Variants in REPS1 observed in about 807,000 individuals in gnomAD.
REPS1 encodes ralBP1-associated Eps domain-containing protein 1.
In REPS1, 39 loss-of-function variants were observed where a neutral mutation model predicts 100.9. The observed-to-expected ratio is 0.39, with a 90% CI of 0.30 to 0.50. The LOEUF (loss-of-function observed/expected upper bound fraction) is 0.50, where lower values mean the gene tolerates loss of function less well. REPS1 is among the 20% of genes least tolerant of loss of function. REPS1 has a pLI of 0.86. For synonymous variants in REPS1, 324 were observed against 340.3 expected, an observed-to-expected ratio of 0.95 and a Z score of 0.53; for missense variants, 821 against 968.5, an observed-to-expected ratio of 0.85 and a Z score of 2.02.
chr6:138,978,107 T>TA (rs397728141), intron 1 of REPS1, among the ~76,000 whole-genome samples: 22,332 of 151,612 alleles, frequency 0.15, 1,721 homozygotes, highest in African/African-American at 0.17. Context: ...TTTTTTTTTT[T>TA]CCTTATAAGT....
At chr6:138,964,525 CA>C (rs1385064744) in intron 1 of REPS1, among the ~76,000 whole-genome samples, 20 of 151,990 alleles carry the variant, frequency 1.3e-4, no homozygotes, top group Non-Finnish European at 2.9e-4. Flanking sequence ...GAACCACATG[CA>C]CACACAAAAT....
At chr6:138,926,075 C>T (rs186361770) in intron 10 of REPS1, among the ~76,000 whole-genome samples, 1 of 152,112 alleles carries the variant, frequency 6.6e-6, no homozygotes, top group East Asian at 1.9e-4. Context: ...CATAAAGAGT[C>T]ACTACACTGA....
intron 8 of REPS1, among the ~76,000 whole-genome samples, chr6:138,932,900 A>G (rs1562529995): frequency 6.6e-6 from 1 of 152,238 alleles, no homozygotes; most frequent in South Asian, 2.1e-4. Context: ...TGGAAAATGT[A>G]TATCCACGTC....
intron 17 of REPS1, among the ~76,000 whole-genome samples, chr6:138,909,602 G>T (rs1301517142): frequency 6.6e-6 from 1 of 152,126 alleles, no homozygotes; most frequent in East Asian, 1.9e-4. Flanking sequence ...GGCCTGGTGG[G>T]AGGTGACTGG....
chr6:138,973,450 G>GA (rs1784440189), intron 1 of REPS1, among the ~76,000 whole-genome samples: 1 of 151,674 alleles, frequency 6.6e-6, no homozygotes, highest in East Asian at 1.9e-4. Context: ...TGGATCCCAA[G>GA]AAAAAATACA....
chr6:138,913,202 T>C (rs1441727864), intron 15 of REPS1, among the ~76,000 whole-genome samples: 4 of 152,232 alleles, frequency 2.6e-5, no homozygotes, highest in Admixed American at 1.3e-4. Flanking sequence ...AAAAACTGTA[T>C]TGCAAAGAAA....
chr6:138,963,311 G>C (rs1215467168), intron 1 of REPS1, among the ~76,000 whole-genome samples: 1 of 152,032 alleles, frequency 6.6e-6, no homozygotes, highest in African/African-American at 2.4e-5. Flanking sequence ...CATGTATTAT[G>C]TTAACCACAC....
At chr6:138,984,546 A>G (rs1785147696) in intron 1 of REPS1, among the ~76,000 whole-genome samples, 1 of 151,846 alleles carries the variant, frequency 6.6e-6, no homozygotes, top group Non-Finnish European at 1.5e-5. Context: ...TGCCAGTAGA[A>G]CTGCTCTCTC....
At chr6:138,928,661 T>C (rs1781295924) in intron 9 of REPS1, 1 of 152,182 alleles carries the variant, frequency 6.6e-6, no homozygotes, top group Non-Finnish European at 1.5e-5. Flanking sequence ...GAACATGGGC[T>C]TTAGATTTGA....
At chr6:138,947,981 C>T (rs186147348) in intron 1 of REPS1, 68 bp from the exon 2 acceptor site, 8 of 1,429,408 alleles carry the variant, frequency 5.6e-6, no homozygotes, top group East Asian at 2.4e-5. Flanking sequence ...TAAGCAGCTA[C>T]CCAACTTGTT....
intron 2 of REPS1, 93 bp downstream of exon 2, chr6:138,947,697 A>C: frequency 8.6e-7 from 1 of 1,156,626 alleles, no homozygotes. Context: ...AAATGCCACT[A>C]TAAGATCAGA....
In REPS1 at chr6:138,904,519, A is replaced by T. The variant is rs1207757676; in HGVS notation, c.*545T>A. 1.3e-5 allele frequency: 2 copies of T among 152,262 alleles called. No individual in the cohort carries two copies. The highest frequency in any genetic ancestry group is 4.8e-5 in the African/African-American group (2 of 41,474). The allele number at this position is 152,262 out of a possible 1,614,324, so 9.4% of individuals were successfully genotyped here. A position where few individuals can be genotyped will look rare whatever the true frequency, so the allele number is the denominator to read the frequency against. ...ATGTTTGTATTTGTCACAAGTTGAC[A>T]TGTAAAAGAGGCTTCAATGTACCAC... is the stretch of plus-strand genomic sequence containing the variant. On this transcript the variant is annotated 3_prime_UTR_variant, in exon 20 of 20. Transcript: ENST00000450536.
chr6:138,954,517 A>G (rs906156266), intron 1 of REPS1, among the ~76,000 whole-genome samples: 4 of 151,646 alleles, frequency 2.6e-5, no homozygotes, highest in African/African-American at 9.7e-5. Context: ...AAAAAAAAAA[A>G]AAGAATCCCC....
At chr6:138,941,292 T>C in intron 8 of REPS1, 43 bp downstream of exon 8, 1 of 1,600,350 alleles carries the variant, frequency 6.2e-7, no homozygotes, top group Non-Finnish European at 8.5e-7. Context: ...AGCATTATGT[T>C]TATCAAGGCA....
intron 1 of REPS1, among the ~76,000 whole-genome samples, chr6:138,967,397 A>G (rs916159357): frequency 6.6e-6 from 1 of 152,228 alleles, no homozygotes; most frequent in African/African-American, 2.4e-5. Flanking sequence ...TGGTTATTTA[A>G]ATATGATTAT....
chr6:138,971,712 CT>C (rs949695512), intron 1 of REPS1, among the ~76,000 whole-genome samples: 2 of 152,140 alleles, frequency 1.3e-5, no homozygotes, highest in African/African-American at 4.8e-5. Flanking sequence ...TTGTTCTGTT[CT>C]TACTGCCTCC....
chr6:138,903,916 G>A lies in REPS1; in HGVS notation c.*1148C>T, dbSNP rs1011446246. On this transcript the variant is annotated 3_prime_UTR_variant, in exon 20 of 20. Coordinates refer to ENST00000450536, the MANE Select transcript of REPS1 (RefSeq NM_001286611.2). Reference sequence around the variant, plus strand: ...AAGTCTATCGGTGCAGTTTAGGACTGTGAATCTATAGTATTTAAACATTTT... The same window carrying A: ...AAGTCTATCGGTGCAGTTTAGGACTATGAATCTATAGTATTTAAACATTTT... 1 of 152,100 alleles carries A rather than the reference G, an allele frequency of 6.6e-6. No homozygotes were observed. The highest frequency in any genetic ancestry group is 1.5e-5 in the Non-Finnish European group (1 of 68,006). 9.4% of individuals were successfully genotyped at this position (152,100 alleles called of 1,614,324 possible).
At chr6:138,909,056 C>T in intron 17 of REPS1, 1 of 474,678 alleles carries the variant, frequency 2.1e-6, no homozygotes, top group South Asian at 2.4e-5. Context: ...GAGCAACATA[C>T]TGATGCAAGA....
At chr6:138,905,726 C>T (rs1779602154) in intron 19 of REPS1, among the ~76,000 whole-genome samples, 2 of 152,166 alleles carry the variant, frequency 1.3e-5, no homozygotes, top group South Asian at 4.1e-4. Flanking sequence ...GGTATTAACA[C>T]CTGAATTTTG....
Sources: gnomAD v4.1 joint callset for allele counts (sites outside exome capture counted in the v4.1 genomes callset) on GRCh38, gnomAD v4.1.1 for gene constraint, MANE v1.5 for transcripts, NCBI Gene and HGNC (gene_info 2026-07-23, HGNC 2026-07-21) for gene names.